Variants in PTPRN2 observed in about 807,000 individuals in gnomAD.
PTPRN2 encodes the protein protein tyrosine phosphatase receptor type N2.
A neutral mutation model predicts 118.8 loss-of-function variants in PTPRN2; 74 were observed. The observed-to-expected ratio is 0.62, with a 90% CI of 0.52 to 0.76. PTPRN2 has a LOEUF of 0.76. PTPRN2 is among the 30% of genes least tolerant of loss of function. The pLI, the probability that PTPRN2 is intolerant of heterozygous loss-of-function variation, is 0.00. For synonymous variants in PTPRN2, 641 were observed against 608.0 expected, an observed-to-expected ratio of 1.05 and a Z score of -0.80; for missense variants, 1,481 against 1,394.4, an observed-to-expected ratio of 1.06 and a Z score of -0.99.
At chr7:158,209,364 T>G (rs1370996649) in intron 3 of PTPRN2, among the ~76,000 whole-genome samples, 1 of 151,924 alleles carries the variant, frequency 6.6e-6, no homozygotes, top group African/African-American at 2.4e-5. Flanking sequence ...AAAAAGATAA[T>G]CCGTGCAAAT....
chr7:157,641,462 A>T (rs1236709714), intron 14 of PTPRN2, among the ~76,000 whole-genome samples: 1 of 152,192 alleles, frequency 6.6e-6, no homozygotes, highest in African/African-American at 2.4e-5. Context: ...AATACTCTGC[A>T]GTATGTTAGG....
chr7:158,262,998 GCACACA>G (rs558237286), intron 3 of PTPRN2, among the ~76,000 whole-genome samples: 3 of 140,042 alleles, frequency 2.1e-5, no homozygotes, highest in African/African-American at 8.3e-5. Context: ...CACACACATT[GCACACA>G]CACATTCACA....
chr7:158,109,104 A>G (rs1815958630), intron 10 of PTPRN2, among the ~76,000 whole-genome samples: 1 of 151,716 alleles, frequency 6.6e-6, no homozygotes, highest in South Asian at 2.1e-4. Flanking sequence ...TGAAGGAGCC[A>G]GTGAGTGAAT....
intron 11 of PTPRN2, among the ~76,000 whole-genome samples, chr7:157,983,591 G>A (rs1803484024): frequency 7.0e-6 from 1 of 142,452 alleles, no homozygotes; most frequent in Non-Finnish European, 1.5e-5. Context: ...CCGCCCACAT[G>A]TGTCCACCAG....
At chr7:158,320,501 C>T (rs934977547) in intron 2 of PTPRN2, among the ~76,000 whole-genome samples, 2 of 128,972 alleles carry the variant, frequency 1.6e-5, no homozygotes, top group South Asian at 2.4e-4. Flanking sequence ...GCGCCCCCAT[C>T]GCCCGCATCC....
chr7:158,363,302 C>T (rs527961603), intron 2 of PTPRN2, among the ~76,000 whole-genome samples: 106 of 152,108 alleles, frequency 7.0e-4, no homozygotes, highest in African/African-American at 2.5e-3. Context: ...CTCAGGTGCT[C>T]GCAGAGGCCC....
chr7:158,313,812 G>A (rs1231369942), intron 3 of PTPRN2, among the ~76,000 whole-genome samples: 1 of 152,186 alleles, frequency 6.6e-6, no homozygotes, highest in Non-Finnish European at 1.5e-5. Flanking sequence ...GGATATATGA[G>A]ACAAACTAGA....
Position 158,570,072 on chromosome 7 carries a change from C to T in PTPRN2, c.112+17486G>A, listed in dbSNP as rs1229902779. On this transcript the variant is annotated intron_variant, in intron 1 of 22. Transcript: ENST00000389418. The surrounding 1 kb of genome is among the most constrained non-coding windows in gnomAD (Gnocchi z 4.5). ...CAGGCGCGTCCTCCACCCGTTTCCC[C>T]CAGGCAGGGGGAAGCCCCGAGAAGC... Among the ~76,000 whole-genome samples the T allele has an allele frequency of 6.6e-6, 1 of 152,176 alleles. No individual in the cohort carries two copies. The highest frequency in any genetic ancestry group is 1.9e-4 in the East Asian group (1 of 5,148).
intron 2 of PTPRN2, among the ~76,000 whole-genome samples, chr7:158,471,641 T>C (rs1487285485): frequency 6.6e-6 from 1 of 152,016 alleles, no homozygotes; most frequent in Non-Finnish European, 1.5e-5. Flanking sequence ...CGAGCTGAGA[T>C]TGCGCCACTG....
rs974590792 is a variant in PTPRN2, at chr7:157,831,975, G to A, written c.1788+66698C>T. On this transcript the variant is annotated intron_variant, in intron 12 of 22. Transcript: ENST00000389418. This position sits in a 1 kb window ranked among gnomAD's most constrained non-coding sequence, Gnocchi z 4.8. ...TGTCTGGCAGTTGCTTCGTCTGCATGAGGAGTGACGGCTGGGCTGCTGATG... is the reference window on the plus strand; with the variant it reads ...TGTCTGGCAGTTGCTTCGTCTGCATAAGGAGTGACGGCTGGGCTGCTGATG... Among the ~76,000 whole-genome samples, 5 of 152,256 alleles carry A rather than the reference G, an allele frequency of 3.3e-5. No homozygotes were observed. The highest frequency in any genetic ancestry group is 1.2e-4 in the African/African-American group (5 of 41,472).
At chr7:158,451,051 A>G (rs1313520826) in intron 2 of PTPRN2, among the ~76,000 whole-genome samples, 1 of 152,162 alleles carries the variant, frequency 6.6e-6, no homozygotes, top group Non-Finnish European at 1.5e-5. Flanking sequence ...CTAGTAGGGG[A>G]GCTGCTGAAT....
intron 16 of PTPRN2, among the ~76,000 whole-genome samples, chr7:157,601,056 TTTGAGTGGGC>T: frequency 6.6e-6 from 1 of 152,344 alleles, no homozygotes; most frequent in East Asian, 1.9e-4. Flanking sequence ...GTGTGCTGTG[TTTGAGTGGGC>T]TGTTGCGTGA....
chr7:158,429,739 T>G (rs1816016535), intron 2 of PTPRN2, among the ~76,000 whole-genome samples: 1 of 152,228 alleles, frequency 6.6e-6, no homozygotes, highest in Admixed American at 6.5e-5. Context: ...GGCTTTTTTA[T>G]TAAATGCAAT....
chr7:158,268,981 G>A (rs568938314), intron 3 of PTPRN2, among the ~76,000 whole-genome samples: 12 of 152,306 alleles, frequency 7.9e-5, no homozygotes, highest in South Asian at 6.2e-4. Context: ...AGCCGTTGCC[G>A]GGCCTGAAAA....
intron 3 of PTPRN2, among the ~76,000 whole-genome samples, chr7:158,246,411 A>C (rs1457795682): frequency 1.3e-5 from 2 of 151,388 alleles, no homozygotes; most frequent in African/African-American, 4.9e-5. Context: ...CCAAGAAGGA[A>C]GAAGACGGCT....
intron 12 of PTPRN2, among the ~76,000 whole-genome samples, chr7:157,685,556 G>A (rs1355730929): frequency 6.6e-6 from 1 of 152,134 alleles, no homozygotes; most frequent in Non-Finnish European, 1.5e-5. Context: ...GGGGACGCGC[G>A]GGGGCCGGAG....
chr7:158,524,758 A>T (rs1484113315), intron 1 of PTPRN2, among the ~76,000 whole-genome samples: 1 of 152,182 alleles, frequency 6.6e-6, no homozygotes, highest in African/African-American at 2.4e-5. Flanking sequence ...CTTACGCCAA[A>T]ATCTTCACAC....
chr7:158,447,924 C>A (rs1817839661), intron 2 of PTPRN2, among the ~76,000 whole-genome samples: 1 of 152,264 alleles, frequency 6.6e-6, no homozygotes, highest in African/African-American at 2.4e-5. Flanking sequence ...TGCTACCCAG[C>A]CACACGGCAC....
chr7:157,580,569 C>T (rs1800302828), intron 17 of PTPRN2, among the ~76,000 whole-genome samples: 2 of 147,314 alleles, frequency 1.4e-5, no homozygotes, highest in Admixed American at 1.3e-4. Context: ...AGCACCTGCA[C>T]ATCCGAGCCC....
Sources: gnomAD v4.1 joint callset for allele counts (sites outside exome capture counted in the v4.1 genomes callset) on GRCh38, gnomAD v4.1.1 for gene constraint, Gnocchi (gnomAD v3.1) non-coding constraint, MANE v1.5 for transcripts, NCBI Gene and HGNC (gene_info 2026-07-23, HGNC 2026-07-21) for gene names.